Variants in BMPR2 observed in about 807,000 individuals in gnomAD.
The protein encoded by BMPR2 is bone morphogenetic protein receptor type-2.
In BMPR2, 29 loss-of-function variants were observed where a neutral mutation model predicts 100.8. The observed-to-expected ratio is 0.29, with a 90% CI of 0.21 to 0.39. The LOEUF (loss-of-function observed/expected upper bound fraction) is 0.39. BMPR2 is among the 10% of genes least tolerant of loss of function. The pLI, the probability that BMPR2 is intolerant of heterozygous loss-of-function variation, is 1.00. For missense variants in BMPR2, 1,011 were observed against 1,274.5 expected (o/e 0.79, Z 3.15); for synonymous variants, 382 against 442.3 (o/e 0.86, Z 1.71).
chr2:202,388,465 C>G (rs1293448273), intron 1 of BMPR2, among the ~76,000 whole-genome samples: 1 of 142,334 alleles, frequency 7.0e-6, no homozygotes, highest in Non-Finnish European at 1.5e-5. Flanking sequence ...TTGAGTTATT[C>G]TGATTCCTTG....
Position 202,532,805 on chromosome 2 carries a change from C to A in BMPR2, c.1276+73C>A. The A allele has an allele frequency of 1.3e-6, 2 of 1,498,974 alleles. No individual in the cohort carries two copies. Among genetic ancestry groups the A allele is most frequent in the Non-Finnish European group, 1.8e-6 (2 of 1,094,070 alleles). The allele number at this position is 1,498,974 out of a possible 1,614,324, so 92.9% of individuals were successfully genotyped here. On this transcript the variant is annotated intron_variant, in intron 9 of 12. Coordinates refer to ENST00000374580, the MANE Select transcript of BMPR2 (RefSeq NM_001204.7). This position sits in a 1 kb window ranked among gnomAD's most constrained non-coding sequence, Gnocchi z 4.1. The stretch of plus-strand genomic sequence containing the variant: ...TATCTTCTTTCTCTACCTATAGTAC[C>A]TAACTCAACTTTTATGTAAGAATCT...
chr2:202,395,734 G>A (rs748508826), intron 1 of BMPR2, among the ~76,000 whole-genome samples: 15 of 152,066 alleles, frequency 9.9e-5, no homozygotes, highest in Admixed American at 3.3e-4. Flanking sequence ...TTGGGAGTTC[G>A]AGACCATCCT....
intron 1 of BMPR2, among the ~76,000 whole-genome samples, chr2:202,397,464 A>G (rs559711573): frequency 2.0e-5 from 3 of 151,846 alleles, no homozygotes; most frequent in Non-Finnish European, 4.4e-5. Flanking sequence ...CTGGATATCT[A>G]TAGGGAAAAG....
chr2:202,519,992 A>C, intron 6 of BMPR2, 95 bp from the exon 7 acceptor site: 14 of 750,374 alleles, frequency 1.9e-5, no homozygotes, highest in Non-Finnish European at 2.5e-5. Context: ...ATCCTAGCCT[A>C]TTTGCAAATT....
intron 10 of BMPR2, among the ~76,000 whole-genome samples, chr2:202,545,212 C>CCT (rs370230229): frequency 6.6e-5 from 3 of 45,450 alleles, no homozygotes; most frequent in African/African-American, 1.0e-4. Context: ...TCCCGTCCCC[C>CCT]TCCCCTCCCC....
chr2:202,496,878 C>T (rs1431585078), intron 3 of BMPR2, among the ~76,000 whole-genome samples: 2 of 152,232 alleles, frequency 1.3e-5, no homozygotes, highest in African/African-American at 2.4e-5. Flanking sequence ...GAGGCCGGAG[C>T]CCACTCCTTC....
chr2:202,496,979 G>A (rs1693044854), intron 3 of BMPR2, among the ~76,000 whole-genome samples: 2 of 152,254 alleles, frequency 1.3e-5, no homozygotes, highest in Admixed American at 1.3e-4. Flanking sequence ...GGGTGGGCAT[G>A]GGCTTGGCGG....
chr2:202,416,447 GA>G (rs1019888618), intron 1 of BMPR2, among the ~76,000 whole-genome samples: 3 of 140,680 alleles, frequency 2.1e-5, no homozygotes, highest in African/African-American at 8.2e-5. Flanking sequence ...TTTTTTTTGA[GA>G]TGGAGTCTTG....
In BMPR2 at chr2:202,561,778, A is replaced by G. The variant is rs1688681857; in HGVS notation, c.*1832A>G. ...TCCAAAATATTTGTGATTTACTTGT[A>G]TATAAGCCTTCTCATTTGCCATGTG... is the stretch of plus-strand genomic sequence containing the variant. On this transcript the variant is annotated 3_prime_UTR_variant, in exon 13 of 13. Coordinates refer to ENST00000374580, the MANE Select transcript of BMPR2 (RefSeq NM_001204.7). 1 of 152,162 alleles carries G rather than the reference A, an allele frequency of 6.6e-6. No homozygotes were observed. The highest frequency in any genetic ancestry group is 1.5e-5 in the Non-Finnish European group (1 of 67,998). 9.4% of individuals were successfully genotyped at this position (152,162 alleles called of 1,614,324 possible). A position where few individuals can be genotyped will look rare whatever the true frequency, so the allele number is the denominator to read the frequency against.
At chr2:202,400,442 G>C (rs1293791031) in intron 1 of BMPR2, among the ~76,000 whole-genome samples, 1 of 151,694 alleles carries the variant, frequency 6.6e-6, no homozygotes, top group Non-Finnish European at 1.5e-5. Flanking sequence ...GAGCCATCAT[G>C]CCACCCTTAA....
At chr2:202,392,198 G>A (rs531299032) in intron 1 of BMPR2, among the ~76,000 whole-genome samples, 2 of 151,892 alleles carry the variant, frequency 1.3e-5, no homozygotes, top group Non-Finnish European at 2.9e-5. Context: ...TGCCTCCCAA[G>A]TAGCTGGGAT....
chr2:202,404,461 G>T (rs1208772211), intron 1 of BMPR2, among the ~76,000 whole-genome samples: 1 of 152,174 alleles, frequency 6.6e-6, no homozygotes, highest in East Asian at 1.9e-4. Flanking sequence ...CTCCCAAAAT[G>T]CTGGGATTAC....
chr2:202,379,972 C>T (rs2105894106), intron 1 of BMPR2, among the ~76,000 whole-genome samples: 1 of 152,262 alleles, frequency 6.6e-6, no homozygotes, highest in Non-Finnish European at 1.5e-5. Context: ...GTTCTCCTGC[C>T]TCAGCCTCCA....
chr2:202,519,369 T>TA (rs1027832185), intron 6 of BMPR2, among the ~76,000 whole-genome samples: 63 of 151,028 alleles, frequency 4.2e-4, no homozygotes, highest in African/African-American at 1.4e-3. Flanking sequence ...TCTCAAAAAA[T>TA]AAAAAAAAAT....
At chr2:202,514,669 G>T (rs187360988) in intron 4 of BMPR2, among the ~76,000 whole-genome samples, 25 of 152,238 alleles carry the variant, frequency 1.6e-4, no homozygotes, top group African/African-American at 4.8e-4. Context: ...CATCATGGGA[G>T]TGTCTCCCAG....
chr2:202,551,437 T>C (rs1244242697), intron 10 of BMPR2, among the ~76,000 whole-genome samples: 1 of 150,558 alleles, frequency 6.6e-6, no homozygotes, highest in African/African-American at 2.4e-5. Flanking sequence ...GGGAGGAGAA[T>C]CACTTGAACC....
intron 9 of BMPR2, among the ~76,000 whole-genome samples, chr2:202,534,578 C>T (rs1688092211): frequency 6.6e-6 from 1 of 152,196 alleles, no homozygotes; most frequent in Admixed American, 6.5e-5. Context: ...GGGTTGGGGG[C>T]AAGGTCACAG....
At position 202,495,408 on chromosome 2, in the gene BMPR2, CG is replaced by C. The variant is rs1693002799; in HGVS notation, c.419-18308del. Among the ~76,000 whole-genome samples the C allele has an allele frequency of 6.6e-6, 1 of 152,218 alleles. No homozygotes were observed. The highest frequency in any genetic ancestry group is 1.5e-5 in the Non-Finnish European group (1 of 68,038). The stretch of plus-strand genomic sequence containing the variant: ...GTTCTGTCGACGGCCTGCCGGCGTG[CG>C]GGTGCCTATCGTTGTGCTCTTCTGC... On this transcript the variant is annotated intron_variant, in intron 3 of 12. Transcript: ENST00000374580. This position sits in a 1 kb window ranked among gnomAD's most constrained non-coding sequence, Gnocchi z 4.5.
chr2:202,476,013 G>A (rs1344699358), intron 3 of BMPR2, among the ~76,000 whole-genome samples: 1 of 148,812 alleles, frequency 6.7e-6, no homozygotes, highest in Non-Finnish European at 1.5e-5. Flanking sequence ...GGCGGAGGTT[G>A]CAGTGAGCCA....
Sources: gnomAD v4.1 joint callset for allele counts (sites outside exome capture counted in the v4.1 genomes callset) on GRCh38, gnomAD v4.1.1 for gene constraint, Gnocchi (gnomAD v3.1) non-coding constraint, MANE v1.5 for transcripts, NCBI Gene and HGNC (gene_info 2026-07-23, HGNC 2026-07-21) for gene names.